SLC8A1: variants seen among roughly 807,000 people sequenced by gnomAD.
SLC8A1 encodes sodium/calcium exchanger 1.
In SLC8A1, 18 loss-of-function variants were observed where a neutral mutation model predicts 68.3. The observed-to-expected ratio is 0.26, with a 90% CI of 0.18 to 0.39. The LOEUF is 0.39. SLC8A1 is among the 10% of genes least tolerant of loss of function. The pLI, the probability that SLC8A1 is intolerant of heterozygous loss-of-function variation, is 1.00. For missense variants in SLC8A1, 985 were observed against 1,156.7 expected (o/e 0.85, Z 2.15); for synonymous variants, 475 against 415.5 (o/e 1.14, Z -1.74).
At chr2:40,422,552 T>G (rs1450667042) in intron 2 of SLC8A1, among the ~76,000 whole-genome samples, 2 of 152,144 alleles carry the variant, frequency 1.3e-5, no homozygotes, top group Non-Finnish European at 2.9e-5. Context: ...TCTTCCCATT[T>G]CACAACTTAG....
intron 2 of SLC8A1, among the ~76,000 whole-genome samples, chr2:40,238,206 C>T (rs1040905737): frequency 2.2e-4 from 33 of 152,002 alleles, no homozygotes; most frequent in Admixed American, 3.9e-4. Context: ...CCCCCAGCCT[C>T]GCTGCCGCCT....
At chr2:40,473,772 ACTTTTC>A (rs1343150246) in intron 1 of SLC8A1, among the ~76,000 whole-genome samples, 1 of 152,210 alleles carries the variant, frequency 6.6e-6, no homozygotes, top group African/African-American at 2.4e-5. Context: ...AAATATATAG[ACTTTTC>A]CTTTTACACA....
chr2:40,329,851 A>C (rs2076234661), intron 2 of SLC8A1, among the ~76,000 whole-genome samples: 2 of 152,144 alleles, frequency 1.3e-5, no homozygotes, highest in Non-Finnish European at 1.5e-5. Flanking sequence ...TCCTAGCATA[A>C]AAATAACCTG....
At chr2:40,477,740 G>A (rs544634576) in intron 1 of SLC8A1, among the ~76,000 whole-genome samples, 28 of 152,206 alleles carry the variant, frequency 1.8e-4, no homozygotes, top group South Asian at 1.5e-3. Context: ...GTGCCTGTGC[G>A]TAGTGTGTAT....
chr2:40,445,138 C>T (rs1399888163), intron 1 of SLC8A1, among the ~76,000 whole-genome samples: 1 of 152,122 alleles, frequency 6.6e-6, no homozygotes, highest in African/African-American at 2.4e-5. Context: ...AACCACAAGC[C>T]TTTTTAATAT....
At chr2:40,292,538 T>A (rs1200620233) in intron 2 of SLC8A1, among the ~76,000 whole-genome samples, 1 of 152,296 alleles carries the variant, frequency 6.6e-6, no homozygotes, top group South Asian at 2.1e-4. Context: ...TTATCCATCA[T>A]GGGGACAAAT....
chr2:40,359,192 A>G (rs1673741205), intron 2 of SLC8A1, among the ~76,000 whole-genome samples: 1 of 152,184 alleles, frequency 6.6e-6, no homozygotes, highest in Admixed American at 6.5e-5. Flanking sequence ...TGTAAAATAC[A>G]CACTTTATTT....
At chr2:40,165,039 C>A in intron 4 of SLC8A1, 55 bp from the exon 8 acceptor site, 1 of 1,605,588 alleles carries the variant, frequency 6.2e-7, no homozygotes, top group Non-Finnish European at 8.5e-7. Flanking sequence ...ATTTGGAAAT[C>A]CCTGGATCCT....
chr2:40,438,648 G>A (rs555640793), intron 1 of SLC8A1, among the ~76,000 whole-genome samples: 3 of 152,290 alleles, frequency 2.0e-5, no homozygotes, highest in East Asian at 3.9e-4. Flanking sequence ...GCTAGAGAAT[G>A]TGACAGCACA....
chr2:40,228,655 A>G (rs2059283096), intron 2 of SLC8A1, among the ~76,000 whole-genome samples: 1 of 152,144 alleles, frequency 6.6e-6, no homozygotes, highest in Admixed American at 6.5e-5. Context: ...GTCCTCATTA[A>G]AGGTTTGGGT....
In SLC8A1 at chr2:40,492,293, C is replaced by G. The variant is rs1387741843; in HGVS notation, c.-25+20056G>C. Among the ~76,000 whole-genome samples, 23 of 152,192 alleles carry G rather than the reference C, an allele frequency of 1.5e-4. No homozygotes were observed. The East Asian group carries it at 2.5e-3, about 17-fold the overall frequency. On this transcript the variant is annotated intron_variant, in intron 1 of 7. Coordinates refer to the SLC8A1 transcript ENST00000402441. ...TGCTGGGAAAACTGGCTAGCCATAT[C>G]TAGAAAGCTGAAACTGGATCCCTTC...
At chr2:40,457,065 T>G (rs1703065785), upstream of SLC8A1, among the ~76,000 whole-genome samples, 1 of 152,198 alleles carries the variant, frequency 6.6e-6, no homozygotes, top group South Asian at 2.1e-4. Context: ...ATCTTATCTC[T>G]ATTATAAACT....
intron 2 of SLC8A1, among the ~76,000 whole-genome samples, chr2:40,350,436 G>T (rs558332105): frequency 1.3e-5 from 2 of 151,898 alleles, no homozygotes; most frequent in South Asian, 2.1e-4. Flanking sequence ...AACTGTGATC[G>T]TGCCACTGCG....
At chr2:40,350,965 T>G (rs1325840595) in intron 2 of SLC8A1, among the ~76,000 whole-genome samples, 1 of 152,184 alleles carries the variant, frequency 6.6e-6, no homozygotes, top group South Asian at 2.1e-4. Context: ...ATGGCAGAGC[T>G]GAGAAATGAC....
chr2:40,136,559 C>T (rs2040532570), intron 7 of SLC8A1, among the ~76,000 whole-genome samples: 1 of 152,194 alleles, frequency 6.6e-6, no homozygotes. Flanking sequence ...AAGAGCCCTT[C>T]TGTTTCAGGA....
intron 2 of SLC8A1, among the ~76,000 whole-genome samples, chr2:40,366,094 T>C (rs1408097352): frequency 1.3e-5 from 2 of 152,020 alleles, no homozygotes; most frequent in Non-Finnish European, 2.9e-5. Context: ...ACCTGAAAAC[T>C]GGTGATGAAT....
chr2:40,291,056 C>G (rs2069214182), intron 2 of SLC8A1, among the ~76,000 whole-genome samples: 1 of 152,172 alleles, frequency 6.6e-6, no homozygotes, highest in African/African-American at 2.4e-5. Flanking sequence ...ATTGGAATTT[C>G]TGGTAGGTGT....
At chr2:40,156,663 A>T (rs2044569444) in intron 6 of SLC8A1, among the ~76,000 whole-genome samples, 1 of 139,190 alleles carries the variant, frequency 7.2e-6, no homozygotes, top group Non-Finnish European at 1.6e-5. Context: ...AAGGAGACCT[A>T]ACAAATATTA....
intron 6 of SLC8A1, among the ~76,000 whole-genome samples, chr2:40,152,995 C>G (rs2043743047): frequency 6.6e-6 from 1 of 151,958 alleles, no homozygotes; most frequent in African/African-American, 2.4e-5. Flanking sequence ...AGAAGAGAGA[C>G]TATAACTGAG....
Sources: gnomAD v4.1 joint callset for allele counts (sites outside exome capture counted in the v4.1 genomes callset) on GRCh38, gnomAD v4.1.1 for gene constraint, MANE v1.5 for transcripts, NCBI Gene and HGNC (gene_info 2026-07-23, HGNC 2026-07-21) for gene names.